Variants in SLC6A6 observed in about 807,000 individuals in gnomAD.
The protein encoded by SLC6A6 is solute carrier family 6 member 6, also known as sodium- and chloride-dependent taurine transporter.
A neutral mutation model predicts 68.8 loss-of-function variants in SLC6A6; 16 were observed. The ratio of observed to expected loss-of-function variants is 0.23; its 90% CI spans 0.16 to 0.35. SLC6A6 has a LOEUF of 0.35. SLC6A6 is among the 10% of genes least tolerant of loss of function. SLC6A6 has a pLI of 1.00. For synonymous variants in SLC6A6, 312 were observed against 315.4 expected (o/e 0.99, Z 0.12); for missense variants, 474 against 802.8 (o/e 0.59, Z 4.95).
chr3:14,454,906 GCTT>G (rs1365670232), intron 5 of SLC6A6, among the ~76,000 whole-genome samples: 2 of 152,088 alleles, frequency 1.3e-5, no homozygotes, highest in Non-Finnish European at 2.9e-5. Context: ...TCTTCACCTT[GCTT>G]CTTTCCTGCA....
chr3:14,481,691 C>T lies in SLC6A6; in HGVS notation c.1572C>T (p.Leu524=), dbSNP rs575051978. Residue 524 remains leucine (L), a synonymous_variant, in exon 14 of 15, where the codon CTC becomes CTT. Coordinates refer to ENST00000622186, the MANE Select transcript of SLC6A6 (RefSeq NM_003043.6). This position sits in a 1 kb window ranked among gnomAD's most constrained non-coding sequence, Gnocchi z 4.7. The part of the protein sequence containing the change: ...VLCVGCFIFS[L]VKYVPLTYNK... ...CGCAGGGATGTTTCATCTTCTCGCTCGTCAAGTACGTACCCCTGACCTACA... is the reference window on the plus strand; with the variant it reads ...CGCAGGGATGTTTCATCTTCTCGCTTGTCAAGTACGTACCCCTGACCTACA... 1.1e-4 allele frequency: 181 copies of T among 1,612,650 alleles called. No individual in the cohort carries two copies. The South Asian group carries it at 1.8e-3, about 16-fold the overall frequency.
At chr3:14,452,166 C>T (rs1340244037) in intron 5 of SLC6A6, among the ~76,000 whole-genome samples, 1 of 152,196 alleles carries the variant, frequency 6.6e-6, no homozygotes, top group African/African-American at 2.4e-5. Context: ...GAGGAGGCAG[C>T]AGAGCAGCAA....
intron 1 of SLC6A6, among the ~76,000 whole-genome samples, chr3:14,407,768 A>C (rs1699143284): frequency 6.6e-6 from 1 of 152,024 alleles, no homozygotes; most frequent in Admixed American, 6.6e-5. Flanking sequence ...GGCCTCCCAG[A>C]GTGCTGGGAT....
At chr3:14,458,105 C>T (rs754717139) in intron 6 of SLC6A6, 23 bp downstream of exon 6, 22 of 1,610,166 alleles carry the variant, frequency 1.4e-5, no homozygotes, top group Non-Finnish European at 1.6e-5. Context: ...TCTGTCCGTC[C>T]CCTGCCTCCT....
intron 2 of SLC6A6, among the ~76,000 whole-genome samples, chr3:14,436,037 A>T (rs2124931258): frequency 6.6e-6 from 1 of 152,368 alleles, no homozygotes; most frequent in Non-Finnish European, 1.5e-5. Flanking sequence ...TTGGGAGCAG[A>T]TAACCAACAG....
At chr3:14,430,848 G>A (rs1333813317) in intron 2 of SLC6A6, among the ~76,000 whole-genome samples, 2 of 152,158 alleles carry the variant, frequency 1.3e-5, no homozygotes, top group East Asian at 1.9e-4. Flanking sequence ...TGATGGGGCC[G>A]TCTGTGGAGG....
intron 2 of SLC6A6, among the ~76,000 whole-genome samples, chr3:14,435,739 G>A (rs1370216145): frequency 6.6e-6 from 1 of 152,206 alleles, no homozygotes; most frequent in East Asian, 1.9e-4. Flanking sequence ...CCCCCTCTGT[G>A]TTTGTGTTTG....
chr3:14,405,847 G>C (rs553168337), intron 1 of SLC6A6, among the ~76,000 whole-genome samples: 66 of 152,286 alleles, frequency 4.3e-4, no homozygotes, highest in African/African-American at 1.5e-3. Flanking sequence ...TGGCTTTCTA[G>C]GAGCTCCTGT....
intron 1 of SLC6A6, among the ~76,000 whole-genome samples, chr3:14,414,646 C>G (rs1315138517): frequency 3.9e-5 from 6 of 152,180 alleles, no homozygotes; most frequent in Non-Finnish European, 5.9e-5. Flanking sequence ...CCACCTCAGC[C>G]TCCCAAGTGG....
At chr3:14,437,286 C>G (rs1699878987) in intron 2 of SLC6A6, among the ~76,000 whole-genome samples, 1 of 151,824 alleles carries the variant, frequency 6.6e-6, no homozygotes, top group South Asian at 2.1e-4. Context: ...GAGACAGGGT[C>G]TCGCTCTGTC....
At position 14,481,260 on chromosome 3, in the gene SLC6A6, G is replaced by C. The variant is rs1024008707; in HGVS notation, c.1552-411G>C. Reference sequence around the variant, plus strand: ...CAAGTTAGGATGAGAAGATGTGGGGGAAAGAGGGCCAGGCAGAGGAAACAG... The same window carrying C: ...CAAGTTAGGATGAGAAGATGTGGGGCAAAGAGGGCCAGGCAGAGGAAACAG... On this transcript the variant is annotated intron_variant, in intron 13 of 14. Coordinates refer to ENST00000622186, the MANE Select transcript of SLC6A6 (RefSeq NM_003043.6). This position sits in a 1 kb window ranked among gnomAD's most constrained non-coding sequence, Gnocchi z 4.7. Among the ~76,000 whole-genome samples, 6 of 152,280 alleles carry C rather than the reference G, an allele frequency of 3.9e-5. No individual in the cohort carries two copies. The East Asian group carries it at 1.2e-3, about 29-fold the overall frequency.
intron 2 of SLC6A6, among the ~76,000 whole-genome samples, chr3:14,440,329 G>A (rs746267865): frequency 1.3e-5 from 2 of 152,074 alleles, no homozygotes; most frequent in East Asian, 3.9e-4. Context: ...CTGGCAGGGA[G>A]CCAGGGGGCT....
rs1212322329 is a variant in SLC6A6 at position 14,468,784 on chromosome 3, G to A, written c.1096+572G>A. Among the ~76,000 whole-genome samples the A allele has an allele frequency of 6.6e-6, 1 of 152,164 alleles. No homozygotes were observed. The highest frequency in any genetic ancestry group is 2.4e-5 in the African/African-American group (1 of 41,428). On this transcript the variant is annotated intron_variant, in intron 9 of 14. Transcript: ENST00000622186. The surrounding 1 kb of genome is among the most constrained non-coding windows in gnomAD (Gnocchi z 4.5). ...TACTGGGACGGTGGCAGATCCAACT[G>A]GGGGTGGGTTGTAAGCACAGTGTCG...
In SLC6A6 at chr3:14,402,880, C is replaced by T. The variant is rs1699017160; in HGVS notation, c.-54+33C>T. ...AGGGACCGGGAGCTGGGCGCGCAGC[C>T]GGCGCTGCCCGCCGTCTGCAGCCCC... On this transcript the variant is annotated intron_variant, in intron 1 of 14. Transcript: ENST00000622186. This position sits in a 1 kb window ranked among gnomAD's most constrained non-coding sequence, Gnocchi z 4.8. The T allele has an allele frequency of 1.5e-5, 6 of 391,784 alleles. No homozygotes were observed. The highest frequency in any genetic ancestry group is 1.3e-3 in the Middle Eastern group (2 of 1,578). The allele number at this position is 391,784 out of a possible 1,614,324, so 24.3% of individuals were successfully genotyped here.
intron 1 of SLC6A6, chr3:14,411,177 A>C (rs896070803): frequency 1.3e-5 from 2 of 152,320 alleles, no homozygotes; most frequent in Non-Finnish European, 2.9e-5. Flanking sequence ...TGCTTTGTGA[A>C]ATCAAGTCCA....
At chr3:14,443,065 C>T (rs1009748496) in intron 2 of SLC6A6, among the ~76,000 whole-genome samples, 1 of 152,228 alleles carries the variant, frequency 6.6e-6, no homozygotes, top group Admixed American at 6.5e-5. Context: ...AAACCCCATT[C>T]CTCGTTCGTT....
chr3:14,443,022 A>G (rs1407484697), intron 2 of SLC6A6, among the ~76,000 whole-genome samples: 1 of 152,200 alleles, frequency 6.6e-6, no homozygotes, highest in Non-Finnish European at 1.5e-5. Context: ...TTGGATGGCA[A>G]CCCATCTCAA....
At chr3:14,475,801 C>T (rs1451883571) in intron 10 of SLC6A6, among the ~76,000 whole-genome samples, 6 of 152,208 alleles carry the variant, frequency 3.9e-5, no homozygotes, top group African/African-American at 7.2e-5. Flanking sequence ...AAAACCCCTG[C>T]GGCAGACACA....
At chr3:14,419,264 G>T (rs1260858955) in intron 2 of SLC6A6, among the ~76,000 whole-genome samples, 2 of 152,186 alleles carry the variant, frequency 1.3e-5, no homozygotes, top group Non-Finnish European at 2.9e-5. Flanking sequence ...CCCTGACATG[G>T]CAGGGGTGTC....
Sources: gnomAD v4.1 joint callset for allele counts (sites outside exome capture counted in the v4.1 genomes callset) on GRCh38, gnomAD v4.1.1 for gene constraint, Gnocchi (gnomAD v3.1) non-coding constraint, MANE v1.5 for transcripts, NCBI Gene and HGNC (gene_info 2026-07-23, HGNC 2026-07-21) for gene names.